Variants in MRRF observed in about 807,000 individuals in gnomAD.
MRRF encodes mitochondrial ribosome recycling factor.
MRRF carries 18 observed loss-of-function variants against 25.1 expected under a neutral mutation model. The observed-to-expected ratio is 0.72, with a 90% CI of 0.50 to 1.06. The LOEUF (loss-of-function observed/expected upper bound fraction) is 1.06, where lower values mean the gene tolerates loss of function less well. Ranked by LOEUF, MRRF falls within the 50% of genes least tolerant of loss-of-function variation. The pLI is 0.00. For missense variants in MRRF, 323 were observed against 319.3 expected, an observed-to-expected ratio of 1.01 and a Z score of -0.09; for synonymous variants, 113 against 112.1, an observed-to-expected ratio of 1.01 and a Z score of -0.05.
intron 6 of MRRF, among the ~76,000 whole-genome samples, chr9:122,318,158 A>G (rs1310583060): frequency 1.3e-5 from 2 of 151,994 alleles, no homozygotes; most frequent in African/African-American, 4.8e-5. Context: ...TAAGAATGAA[A>G]TGATTCATTT....
chr9:122,268,402 G>C (rs1035378422), intron 1 of MRRF, among the ~76,000 whole-genome samples: 1 of 152,166 alleles, frequency 6.6e-6, no homozygotes, highest in Non-Finnish European at 1.5e-5. Context: ...AGACCCTGTA[G>C]ACTAAAATAA....
At chr9:122,291,643 A>G in intron 4 of MRRF, 106 bp from the exon 5 acceptor site, 3 of 828,606 alleles carry the variant, frequency 3.6e-6, no homozygotes, top group Admixed American at 1.8e-5. Flanking sequence ...TAACAGAACT[A>G]AATGTTTCCA....
intron 5 of MRRF, among the ~76,000 whole-genome samples, chr9:122,300,014 G>A (rs1490777201): frequency 1.3e-5 from 2 of 152,140 alleles, no homozygotes; most frequent in African/African-American, 4.8e-5. Context: ...AAAGACAAAG[G>A]GGAGAGGGAG....
chr9:122,314,102 T>A (rs1446498407), intron 6 of MRRF, among the ~76,000 whole-genome samples: 1 of 152,168 alleles, frequency 6.6e-6, no homozygotes, highest in Non-Finnish European at 1.5e-5. Flanking sequence ...ATATTAGTCA[T>A]GTATGGCCAC....
chr9:122,289,726 T>C (rs1361521993), intron 4 of MRRF, among the ~76,000 whole-genome samples: 1 of 152,094 alleles, frequency 6.6e-6, no homozygotes, highest in Non-Finnish European at 1.5e-5. Context: ...TAAATTTGGC[T>C]ATTTAAGAAA....
At chr9:122,279,953 A>G (rs767952567) in intron 2 of MRRF, among the ~76,000 whole-genome samples, 1 of 152,138 alleles carries the variant, frequency 6.6e-6, no homozygotes, top group Non-Finnish European at 1.5e-5. Context: ...TGACTTTTCC[A>G]TTTCCTGACC....
chr9:122,313,897 T>C (rs1372611112), intron 6 of MRRF, among the ~76,000 whole-genome samples: 2 of 152,140 alleles, frequency 1.3e-5, no homozygotes, highest in Non-Finnish European at 2.9e-5. Context: ...GGGGGAAAAG[T>C]GTAACCATAT....
At chr9:122,274,340 C>T (rs1832643268) in intron 2 of MRRF, among the ~76,000 whole-genome samples, 1 of 152,102 alleles carries the variant, frequency 6.6e-6, no homozygotes, top group Admixed American at 6.5e-5. Flanking sequence ...GAAGAAAAAC[C>T]TGAGACTGGG....
chr9:122,319,098 G>A (rs182176870), intron 6 of MRRF, among the ~76,000 whole-genome samples: 8 of 151,908 alleles, frequency 5.3e-5, no homozygotes, highest in Admixed American at 4.6e-4. Context: ...GGCCATTAAG[G>A]TGGGTGAGTT....
chr9:122,270,245 T>C (rs550654478), intron 1 of MRRF, among the ~76,000 whole-genome samples: 2 of 152,322 alleles, frequency 1.3e-5, no homozygotes, highest in African/African-American at 4.8e-5. Flanking sequence ...AGACCTCAGA[T>C]GTAGAATGCG....
chr9:122,285,027 G>A (rs1588029328), intron 3 of MRRF, 142 bp from the exon 4 acceptor site: 6 of 691,314 alleles, frequency 8.7e-6, no homozygotes, highest in Admixed American at 2.1e-5. Flanking sequence ...CTGCCCTCAA[G>A]CATTCCTCCC....
At position 122,326,478 on chromosome 9, in the gene MRRF, G is replaced by T. The variant is rs1185601158; in HGVS notation, c.*3861G>T. ...GATGTTTGCTTTTTTTTCTTACCCT[G>T]TAACAATCATGGTCATCTGTCCATG... On this transcript the variant is annotated 3_prime_UTR_variant, in exon 7 of 7. Transcript: ENST00000344641. 1 of 151,908 alleles carries T rather than the reference G, an allele frequency of 6.6e-6. No individual in the cohort carries two copies. Among genetic ancestry groups the T allele is most frequent in the African/African-American group, 2.4e-5 (1 of 41,320 alleles). The allele number at this position is 151,908 out of a possible 1,614,324, so 9.4% of individuals were successfully genotyped here.
rs1212258376 is a variant in MRRF, at chr9:122,329,396, AACTC to A, written c.*6781_*6784del. 1 of 152,248 alleles carries A rather than the reference AACTC, an allele frequency of 6.6e-6. No homozygotes were observed. The highest frequency in any genetic ancestry group is 1.5e-5 in the Non-Finnish European group (1 of 68,098). 9.4% of individuals were successfully genotyped at this position (152,248 alleles called of 1,614,324 possible). On this transcript the variant is annotated 3_prime_UTR_variant, in exon 7 of 7. Transcript: ENST00000344641. ...TTGGTCCCATGTTCTTCCTTACACT[AACTC>A]ATTCATTCATTATCCATCCCGATGC...
intron 5 of MRRF, among the ~76,000 whole-genome samples, chr9:122,307,513 C>T (rs1834929829): frequency 6.6e-6 from 1 of 152,190 alleles, no homozygotes; most frequent in Non-Finnish European, 1.5e-5. Flanking sequence ...ATCCTATTCT[C>T]CCCAGGAGAG....
intron 5 of MRRF, among the ~76,000 whole-genome samples, chr9:122,309,392 T>C (rs927697475): frequency 2.0e-5 from 3 of 152,202 alleles, no homozygotes; most frequent in Non-Finnish European, 2.9e-5. Flanking sequence ...TGGGATAGTC[T>C]TTGCCTTCTT....
At chr9:122,268,788 A>G (rs1832273739) in intron 1 of MRRF, among the ~76,000 whole-genome samples, 1 of 152,236 alleles carries the variant, frequency 6.6e-6, no homozygotes, top group African/African-American at 2.4e-5. Context: ...TACACTGATC[A>G]CTAACTTCTA....
intron 5 of MRRF, among the ~76,000 whole-genome samples, chr9:122,297,346 A>G (rs2118850485): frequency 6.6e-6 from 1 of 152,268 alleles, no homozygotes; most frequent in African/African-American, 2.4e-5. Context: ...TTTTCTCCTT[A>G]GGGAACCACT....
rs1564522615 is a variant in MRRF, at chr9:122,325,685, T to TGTGTGTGTGTGTGTGTG, written c.*3068_*3069insGTGTGTGTGTGTGTGTG. On this transcript the variant is annotated 3_prime_UTR_variant, in exon 7 of 7. Transcript: ENST00000344641. The stretch of plus-strand genomic sequence containing the variant: ...GTGTGTGTGTGTGTGTGTGTGTGTG[T>TGTGTGTGTGTGTGTGTG]TGGAAATTACAAAATAAGTTGGAAT... 9 of 119,084 alleles carry TGTGTGTGTGTGTGTGTG rather than the reference T, an allele frequency of 7.6e-5. No homozygotes were observed. The highest frequency in any genetic ancestry group is 1.6e-4 in the African/African-American group (5 of 30,878). The allele number at this position is 119,084 out of a possible 1,614,324, so 7.4% of individuals were successfully genotyped here.
intron 5 of MRRF, among the ~76,000 whole-genome samples, chr9:122,294,358 T>C (rs1187461785): frequency 1.3e-5 from 2 of 152,220 alleles, no homozygotes; most frequent in Non-Finnish European, 2.9e-5. Context: ...GTCGGTGCAT[T>C]GTATGTAAGT....
Sources: gnomAD v4.1 joint callset for allele counts (sites outside exome capture counted in the v4.1 genomes callset) on GRCh38, gnomAD v4.1.1 for gene constraint, MANE v1.5 for transcripts, NCBI Gene and HGNC (gene_info 2026-07-23, HGNC 2026-07-21) for gene names.